Variants in LEF1 observed in about 807,000 individuals in gnomAD.
The protein encoded by LEF1 is lymphoid enhancer binding factor 1.
A neutral mutation model predicts 51.2 loss-of-function variants in LEF1; 14 were observed. That is an observed-to-expected ratio of 0.27 (90% CI 0.18 to 0.43). LEF1 has a LOEUF of 0.43. Ranked by LOEUF, LEF1 falls within the 20% of genes least tolerant of loss-of-function variation. The pLI, the probability that LEF1 is intolerant of heterozygous loss-of-function variation, is 1.00. For missense variants in LEF1, 386 were observed against 512.0 expected (o/e 0.75, Z 2.37); for synonymous variants, 185 against 183.2 (o/e 1.01, Z -0.08).
chr4:108,138,699 C>G (rs1458298000), intron 3 of LEF1, among the ~76,000 whole-genome samples: 1 of 152,182 alleles, frequency 6.6e-6, no homozygotes, highest in Non-Finnish European at 1.5e-5. Flanking sequence ...GGGGGCTAGC[C>G]CCAACTCCTC....
intron 9 of LEF1, among the ~76,000 whole-genome samples, chr4:108,065,450 CCA>C (rs1221244648): frequency 6.6e-6 from 1 of 152,036 alleles, no homozygotes; most frequent in Non-Finnish European, 1.5e-5. Context: ...CTCCACTGGG[CCA>C]CAGAGTGAGC....
At chr4:108,135,470 A>G (rs940887043) in intron 3 of LEF1, among the ~76,000 whole-genome samples, 14 of 152,322 alleles carry the variant, frequency 9.2e-5, no homozygotes, top group Admixed American at 5.2e-4. Context: ...GCTTCCATCT[A>G]TTTCTGGTGA....
intron 4 of LEF1, 22 bp from the exon 5 acceptor site, chr4:108,083,468 T>C: frequency 6.8e-7 from 1 of 1,477,322 alleles, no homozygotes; most frequent in Non-Finnish European, 9.4e-7. Context: ...AACAGAGAGG[T>C]ATCATTTACA....
At chr4:108,111,448 C>A (rs1319146159) in intron 3 of LEF1, among the ~76,000 whole-genome samples, 2 of 152,182 alleles carry the variant, frequency 1.3e-5, no homozygotes, top group African/African-American at 4.8e-5. Context: ...CAACTCCTGC[C>A]TGAAGGGAGG....
rs757441044 is a variant in LEF1 at position 108,165,153 on chromosome 4, T to C, written c.224A>G (p.Gln75Arg). 6.2e-7 allele frequency: 1 copy of C among 1,614,138 alleles called. No individual in the cohort carries two copies. Among genetic ancestry groups the C allele is most frequent in the South Asian group, 1.1e-5 (1 of 91,074 alleles). The change falls in exon 2 of 12, where the codon CAA (glutamine) becomes CGA (arginine). Residue 75 changes from glutamine (Q) to arginine (R), a missense_variant. Gln to Arg is a conservative substitution (Grantham distance 43, BLOSUM62 1). This residue lies in a region of LEF1 where 335 missense variants were observed against 390.7 expected (regional missense o/e 0.86). Transcript: ENST00000265165. ...GTAGGGCTCCTGAGAGGTTTGTGCT[T>C]GTCTGGCCACCTAACATCATGAATC... is the stretch of plus-strand genomic sequence containing the variant. ...PASNGHEVAR[Q>R]AQTSQEPYHD...
intron 3 of LEF1, 23 bp from the exon 4 acceptor site, chr4:108,089,280 A>G: frequency 6.2e-7 from 1 of 1,605,286 alleles, no homozygotes; most frequent in Non-Finnish European, 8.5e-7. Flanking sequence ...CACAAGGTCA[A>G]TAGTTAATAT....
chr4:108,077,687 T>C (rs1183373337), intron 8 of LEF1, among the ~76,000 whole-genome samples: 1 of 147,050 alleles, frequency 6.8e-6, no homozygotes, highest in Non-Finnish European at 1.5e-5. Context: ...TCTGCGCAGC[T>C]GCCGCCCCAT....
chr4:108,087,728 G>A (rs1359070410), intron 4 of LEF1, among the ~76,000 whole-genome samples: 1 of 152,174 alleles, frequency 6.6e-6, no homozygotes, highest in African/African-American at 2.4e-5. Flanking sequence ...TAGGTTCCCA[G>A]ATGTGCACCT....
intron 3 of LEF1, among the ~76,000 whole-genome samples, chr4:108,130,289 T>C (rs980215707): frequency 8.5e-5 from 13 of 152,186 alleles, no homozygotes; most frequent in East Asian, 1.9e-4. Context: ...CATTAAGAGT[T>C]TGACAGATAA....
At chr4:108,084,204 T>TA (rs1010302641) in intron 4 of LEF1, among the ~76,000 whole-genome samples, 3 of 152,094 alleles carry the variant, frequency 2.0e-5, no homozygotes, top group African/African-American at 7.2e-5. Flanking sequence ...TTACCCTAGG[T>TA]ACAGAAGAAA....
In LEF1 at chr4:108,166,673, C is replaced by A. The variant is rs147357961; in HGVS notation, c.213+882G>T. The stretch of plus-strand genomic sequence containing the variant: ...CTCAGGTTACCAGCTCTATCGCCCG[C>A]AGCGGGCCAGAAGACCCGATAAAGC... On this transcript the variant is annotated intron_variant, in intron 1 of 11. Transcript: ENST00000265165. 313 of 1,001,436 alleles carry A rather than the reference C, an allele frequency of 3.1e-4. 4 individuals are homozygous for A. The East Asian group carries it at 0.017, about 54-fold the overall frequency. The allele number at this position is 1,001,436 out of a possible 1,614,324, so 62.0% of individuals were successfully genotyped here. A position where few individuals can be genotyped will look rare whatever the true frequency, so the allele number is the denominator to read the frequency against.
chr4:108,103,312 GC>G (rs773880636), intron 3 of LEF1, among the ~76,000 whole-genome samples: 5 of 152,214 alleles, frequency 3.3e-5, no homozygotes, highest in Non-Finnish European at 5.9e-5. Context: ...TTATTCACAA[GC>G]CTTGTGATTC....
At chr4:108,107,982 C>T (rs1741279645) in intron 3 of LEF1, among the ~76,000 whole-genome samples, 1 of 152,170 alleles carries the variant, frequency 6.6e-6, no homozygotes, top group South Asian at 2.1e-4. Flanking sequence ...AGTCAGACAT[C>T]CACAGTGCTA....
intron 9 of LEF1, among the ~76,000 whole-genome samples, chr4:108,066,459 A>C (rs547835811): frequency 3.9e-5 from 6 of 152,158 alleles, no homozygotes; most frequent in Non-Finnish European, 7.4e-5. Context: ...AGCTCACTGC[A>C]TGACTGAATG....
In LEF1 at chr4:108,091,428, C is replaced by T. The variant is rs144470175; in HGVS notation, c.415-2171G>A. 1.5e-3 allele frequency among the ~76,000 whole-genome samples: 215 copies of T among 142,940 alleles called. 1 individual carries two copies. The highest frequency in any genetic ancestry group is 5.3e-3 in the African/African-American group (204 of 38,750). The allele number at this position is 142,940 out of a possible 152,430, so 93.8% of individuals were successfully genotyped here. A position where few individuals can be genotyped will look rare whatever the true frequency, so the allele number is the denominator to read the frequency against. On this transcript the variant is annotated intron_variant, in intron 3 of 11. Transcript: ENST00000265165. ...TCTTATACCCTATCATTACAACCTC[C>T]ATCCAAAAGAAACTTACGGGGGGGG...
intron 3 of LEF1, among the ~76,000 whole-genome samples, chr4:108,107,592 C>T (rs1393277613): frequency 6.6e-6 from 1 of 151,762 alleles, no homozygotes; most frequent in Non-Finnish European, 1.5e-5. Context: ...TTTGGATAGT[C>T]ACTGAAGTCA....
Position 108,048,480 on chromosome 4 carries a change from A to G in LEF1, c.*278T>C. The G allele has an allele frequency of 2.5e-6, 1 of 407,414 alleles. No homozygotes were observed. Among genetic ancestry groups the G allele is most frequent in the Middle Eastern group, 3.1e-4 (1 of 3,226 alleles). 25.2% of individuals were successfully genotyped at this position (407,414 alleles called of 1,614,324 possible). On this transcript the variant is annotated 3_prime_UTR_variant, in exon 12 of 12. Coordinates refer to ENST00000265165, the MANE Select transcript of LEF1 (RefSeq NM_016269.5). ...TGCCCCACAGCCTGCTAGCATTCTCATGTGCTTTTACATTTCCTTTTAAAA... is the reference window on the plus strand; with the variant it reads ...TGCCCCACAGCCTGCTAGCATTCTCGTGTGCTTTTACATTTCCTTTTAAAA...
intron 3 of LEF1, among the ~76,000 whole-genome samples, chr4:108,138,253 A>C (rs1463452248): frequency 1.3e-5 from 2 of 152,246 alleles, no homozygotes; most frequent in Non-Finnish European, 2.9e-5. Context: ...TGAAATGCAA[A>C]TAATGTTTTC....
intron 3 of LEF1, among the ~76,000 whole-genome samples, chr4:108,106,783 C>T (rs999362823): frequency 6.6e-6 from 1 of 152,070 alleles, no homozygotes; most frequent in African/African-American, 2.4e-5. Flanking sequence ...TCAAGTTGGT[C>T]AAAAATATGC....
Sources: gnomAD v4.1 joint callset for allele counts (sites outside exome capture counted in the v4.1 genomes callset) on GRCh38, gnomAD v4.1.1 for gene constraint, gnomAD v4.1.1 regional missense constraint, MANE v1.5 for transcripts, NCBI Gene and HGNC (gene_info 2026-07-23, HGNC 2026-07-21) for gene names.